MAP3K4: variants seen among roughly 807,000 people sequenced by gnomAD.
The protein encoded by MAP3K4 is MAP three kinase 1.
A neutral mutation model predicts 185.6 loss-of-function variants in MAP3K4; 67 were observed. The observed-to-expected ratio is 0.36, with a 90% CI of 0.30 to 0.44. The LOEUF (loss-of-function observed/expected upper bound fraction) is 0.44, where lower values mean the gene tolerates loss of function less well. Ranked by LOEUF, MAP3K4 falls within the 20% of genes least tolerant of loss-of-function variation. The probability of loss-of-function intolerance (pLI) is 1.00; values close to 1 mark genes in which losing one functional copy is unlikely to be tolerated. For synonymous variants in MAP3K4, 702 were observed against 710.4 expected, an observed-to-expected ratio of 0.99 and a Z score of 0.19; for missense variants, 1,551 against 1,995.1, an observed-to-expected ratio of 0.78 and a Z score of 4.24.
At chr6:161,099,269 A>T (rs773479854) in intron 17 of MAP3K4, among the ~76,000 whole-genome samples, 1 of 152,362 alleles carries the variant, frequency 6.6e-6, no homozygotes, top group East Asian at 1.9e-4. Flanking sequence ...AGGAGAAAAT[A>T]GTAGAGTTAA....
At chr6:161,031,090 T>G (rs1427708934) in intron 1 of MAP3K4, among the ~76,000 whole-genome samples, 1 of 152,226 alleles carries the variant, frequency 6.6e-6, no homozygotes, top group Non-Finnish European at 1.5e-5. Context: ...TTCAGTGTGA[T>G]TTTTAAATGT....
In MAP3K4 at chr6:160,995,206, T is replaced by G. The variant is rs577348085; in HGVS notation, c.152+3123T>G. On this transcript the variant is annotated intron_variant, in intron 1 of 26. Coordinates refer to ENST00000392142, the MANE Select transcript of MAP3K4 (RefSeq NM_005922.4). Reference sequence around the variant, plus strand: ...GCATTTCCCTGATAATTAGTGATGTTGAGCATTTTTTCTTATGTTTGTTGA... The same window carrying G: ...GCATTTCCCTGATAATTAGTGATGTGGAGCATTTTTTCTTATGTTTGTTGA... Among the ~76,000 whole-genome samples, 4 of 152,354 alleles carry G rather than the reference T, an allele frequency of 2.6e-5. No homozygotes were observed. The East Asian group carries it at 7.7e-4, about 29-fold the overall frequency.
rs540190080 is a variant in MAP3K4, at chr6:161,108,182, C to T, written c.4119+213C>T. 9.9e-5 allele frequency among the ~76,000 whole-genome samples: 15 copies of T among 152,202 alleles called. No homozygotes were observed. The highest frequency in any genetic ancestry group is 1.8e-4 in the Non-Finnish European group (12 of 68,038). On this transcript the variant is annotated intron_variant, in intron 21 of 26. Coordinates refer to ENST00000392142, the MANE Select transcript of MAP3K4 (RefSeq NM_005922.4). This position sits in a 1 kb window ranked among gnomAD's most constrained non-coding sequence, Gnocchi z 5.7. Reference sequence around the variant, plus strand: ...TCCAGAGAGGATAATAAGTCACAGACAGTTCTAACAGCACAGGTGTGAGAA... The same window carrying T: ...TCCAGAGAGGATAATAAGTCACAGATAGTTCTAACAGCACAGGTGTGAGAA...
chr6:161,073,780 A>G lies in MAP3K4; in HGVS notation c.2097+168A>G, dbSNP rs1352233302. Among the ~76,000 whole-genome samples, 1 of 152,160 alleles carries G rather than the reference A, an allele frequency of 6.6e-6. No individual in the cohort carries two copies. Among genetic ancestry groups the G allele is most frequent in the East Asian group, 1.9e-4 (1 of 5,194 alleles). ...CTGAAAGTATAGCTTGTGTGTGTGTATTGCGGAGGGCGGTGGTGGTGATCT... is the reference window on the plus strand; with the variant it reads ...CTGAAAGTATAGCTTGTGTGTGTGTGTTGCGGAGGGCGGTGGTGGTGATCT... On this transcript the variant is annotated intron_variant, in intron 5 of 26. Transcript: ENST00000392142. The surrounding 1 kb of genome is among the most constrained non-coding windows in gnomAD (Gnocchi z 4.2).
At chr6:161,015,684 G>A (rs1192073091) in intron 1 of MAP3K4, among the ~76,000 whole-genome samples, 1 of 152,168 alleles carries the variant, frequency 6.6e-6, no homozygotes, top group African/African-American at 2.4e-5. Context: ...GAGGAAGCAA[G>A]AGGTGGTGCG....
chr6:161,089,558 A>C, intron 11 of MAP3K4, 87 bp downstream of exon 11: 1 of 1,439,746 alleles, frequency 6.9e-7, no homozygotes, highest in African/African-American at 1.4e-5. Context: ...AATATCATCC[A>C]AGGAACTTGA....
At chr6:161,038,893 C>T (rs1783306744) in intron 2 of MAP3K4, among the ~76,000 whole-genome samples, 2 of 152,208 alleles carry the variant, frequency 1.3e-5, no homozygotes, top group Non-Finnish European at 2.9e-5. Context: ...AGAGCAGGAA[C>T]AGCTGAGGGC....
Position 161,110,730 on chromosome 6 carries a change from G to A in MAP3K4, c.4396+816G>A, listed in dbSNP as rs1211044148. On this transcript the variant is annotated intron_variant, in intron 23 of 26. Coordinates refer to ENST00000392142, the MANE Select transcript of MAP3K4 (RefSeq NM_005922.4). This position sits in a 1 kb window ranked among gnomAD's most constrained non-coding sequence, Gnocchi z 4.8. ...TTTGGTCTGGGTGTAAGCATTGTTC[G>A]TGCTCTGTAATGTGGCTCACCCTGA... Among the ~76,000 whole-genome samples the A allele has an allele frequency of 2.0e-5, 3 of 152,104 alleles. No homozygotes were observed. The highest frequency in any genetic ancestry group is 6.5e-5 in the Admixed American group (1 of 15,270).
At chr6:161,078,540 G>T (rs1292941789) in intron 5 of MAP3K4, among the ~76,000 whole-genome samples, 1 of 152,222 alleles carries the variant, frequency 6.6e-6, no homozygotes, top group Non-Finnish European at 1.5e-5. Context: ...AGTGGTAGTG[G>T]TTGAACAAAT....
At chr6:161,012,084 A>G (rs1781872126) in intron 1 of MAP3K4, among the ~76,000 whole-genome samples, 1 of 152,212 alleles carries the variant, frequency 6.6e-6, no homozygotes, top group Non-Finnish European at 1.5e-5. Flanking sequence ...ACATTTGTGA[A>G]GAGGCCTTAA....
Position 161,084,711 on chromosome 6 carries a change from T to G in MAP3K4, c.2372+94T>G. ...AGAAGGAGCCTTGTTCAAACCAAAT[T>G]GTGTTGGCCTGGAAGAATTTGGGCA... On this transcript the variant is annotated intron_variant, in intron 7 of 26. Coordinates refer to ENST00000392142, the MANE Select transcript of MAP3K4 (RefSeq NM_005922.4). The surrounding 1 kb of genome is among the most constrained non-coding windows in gnomAD (Gnocchi z 4.6). The G allele has an allele frequency of 3.0e-6, 2 of 665,468 alleles. No individual in the cohort carries two copies. Among genetic ancestry groups the G allele is most frequent in the Non-Finnish European group, 5.4e-6 (2 of 369,250 alleles). 41.2% of individuals were successfully genotyped at this position (665,468 alleles called of 1,614,324 possible). A position where few individuals can be genotyped will look rare whatever the true frequency, so the allele number is the denominator to read the frequency against.
intron 4 of MAP3K4, among the ~76,000 whole-genome samples, chr6:161,072,132 A>G (rs1224874544): frequency 5.3e-5 from 8 of 152,252 alleles, no homozygotes; most frequent in African/African-American, 9.6e-5. Context: ...AGAGAAATTG[A>G]TAATTATATA....
At chr6:160,997,553 CAAG>C (rs1781058475) in intron 1 of MAP3K4, among the ~76,000 whole-genome samples, 1 of 152,172 alleles carries the variant, frequency 6.6e-6, no homozygotes, top group African/African-American at 2.4e-5. Context: ...AGAAGATTCT[CAAG>C]TATTTCTGAT....
chr6:161,005,279 T>G (rs1781531302), intron 1 of MAP3K4, among the ~76,000 whole-genome samples: 1 of 151,710 alleles, frequency 6.6e-6, no homozygotes, highest in African/African-American at 2.4e-5. Flanking sequence ...GATGGAACTA[T>G]AGGCACATGC....
intron 2 of MAP3K4, among the ~76,000 whole-genome samples, chr6:161,046,987 C>T (rs1783756520): frequency 6.8e-6 from 1 of 146,316 alleles, no homozygotes; most frequent in Non-Finnish European, 1.5e-5. Flanking sequence ...GAAATATATA[C>T]TAAGAGATTA....
rs192014310 is a variant in MAP3K4, at chr6:161,043,709, C to T, written c.344-4907C>T. On this transcript the variant is annotated intron_variant, in intron 2 of 26. Coordinates refer to ENST00000392142, the MANE Select transcript of MAP3K4 (RefSeq NM_005922.4). This position sits in a 1 kb window ranked among gnomAD's most constrained non-coding sequence, Gnocchi z 4.3. ...AGAGATACGTGCACTTTAGCAGGAA[C>T]GCAGTGATTTCGAACATACACTGAA... 1.4e-4 allele frequency among the ~76,000 whole-genome samples: 22 copies of T among 152,316 alleles called. No homozygotes were observed. Among genetic ancestry groups the T allele is most frequent in the African/African-American group, 3.8e-4 (16 of 41,576 alleles).
In MAP3K4 at chr6:161,037,094, G is replaced by T. The variant is rs1783203938; in HGVS notation, c.343+2645G>T. Among the ~76,000 whole-genome samples, 1 of 152,116 alleles carries T rather than the reference G, an allele frequency of 6.6e-6. No homozygotes were observed. Among genetic ancestry groups the T allele is most frequent in the African/African-American group, 2.4e-5 (1 of 41,416 alleles). On this transcript the variant is annotated intron_variant, in intron 2 of 26. Coordinates refer to ENST00000392142, the MANE Select transcript of MAP3K4 (RefSeq NM_005922.4). The surrounding 1 kb of genome is among the most constrained non-coding windows in gnomAD (Gnocchi z 4.2). ...TGCCAGCTGGTGAACTATTTCTTGC[G>T]GACATTCTTGTTTATGAATACCAAG...
rs976931120 is a variant in MAP3K4 at position 161,071,279 on chromosome 6, C to G, written c.1950+429C>G. ...GGTATGGTTTAAACAGTAGTGACAG[C>G]TTATGATTTCTTCGTTGTTGTTCAT... On this transcript the variant is annotated intron_variant, in intron 4 of 26. Coordinates refer to ENST00000392142, the MANE Select transcript of MAP3K4 (RefSeq NM_005922.4). The surrounding 1 kb of genome is among the most constrained non-coding windows in gnomAD (Gnocchi z 4.6). Among the ~76,000 whole-genome samples, 31 of 152,178 alleles carry G rather than the reference C, an allele frequency of 2.0e-4. No homozygotes were observed. Among genetic ancestry groups the G allele is most frequent in the African/African-American group, 7.2e-4 (30 of 41,518 alleles).
intron 1 of MAP3K4, among the ~76,000 whole-genome samples, chr6:161,018,076 A>G (rs9458093): frequency 0.027 from 4,115 of 152,276 alleles, 123 homozygotes; most frequent in African/African-American, 0.072. Flanking sequence ...GCTTTTGATT[A>G]CCCTGGCTTT....
Sources: allele counts gnomAD v4.1 joint callset (sites outside exome capture counted in the v4.1 genomes callset), GRCh38; gene constraint gnomAD v4.1.1; non-coding constraint Gnocchi (gnomAD v3.1); transcripts MANE v1.5; gene names NCBI Gene and HGNC (gene_info 2026-07-23, HGNC 2026-07-21).